CNPY1: variants seen among roughly 807,000 people sequenced by gnomAD.
The protein encoded by CNPY1 is canopy FGF signaling regulator 1.
In CNPY1, 14 loss-of-function variants were observed where a neutral mutation model predicts 14.4. The observed-to-expected ratio is 0.97, with a 90% CI of 0.64 to 1.52. The LOEUF (loss-of-function observed/expected upper bound fraction) is 1.52, where lower values mean the gene tolerates loss of function less well. Among genes scored for constraint, CNPY1 ranks in the 40% most tolerant of loss-of-function variants. The probability of loss-of-function intolerance (pLI) is 0.00; values close to 1 mark genes in which losing one functional copy is unlikely to be tolerated. For synonymous variants in CNPY1, 43 were observed against 46.5 expected, an observed-to-expected ratio of 0.92 and a Z score of 0.31; for missense variants, 129 against 131.5, an observed-to-expected ratio of 0.98 and a Z score of 0.09.
chr7:155,526,605 A>T (rs1796823991), intron 2 of CNPY1, among the ~76,000 whole-genome samples: 8 of 152,326 alleles, frequency 5.3e-5, no homozygotes, highest in Admixed American at 4.6e-4. Context: ...AAATCCAAAT[A>T]GCACGCTGGT....
chr7:155,529,022 C>T (rs1281403924), intron 2 of CNPY1, among the ~76,000 whole-genome samples: 1 of 151,260 alleles, frequency 6.6e-6, no homozygotes, highest in Admixed American at 6.6e-5. Context: ...GATCGCGCCA[C>T]TGCACTCCAG....
intron 2 of CNPY1, among the ~76,000 whole-genome samples, chr7:155,509,334 G>C (rs1796444852): frequency 6.6e-6 from 1 of 152,102 alleles, no homozygotes; most frequent in South Asian, 2.1e-4. Flanking sequence ...ATATTTCAAA[G>C]TGGCCAGAAA....
Position 155,515,581 on chromosome 7 carries a change from G to T in CNPY1, c.100-6484C>A, listed in dbSNP as rs1796607047. ...GTCCAGTCACAAATCGAGAGGTGTGGAGGGTGGAGGGAGAGACCAGGCTGC... is the reference window on the plus strand; with the variant it reads ...GTCCAGTCACAAATCGAGAGGTGTGTAGGGTGGAGGGAGAGACCAGGCTGC... On this transcript the variant is annotated intron_variant, in intron 2 of 4. Transcript: ENST00000636446. Among the ~76,000 whole-genome samples, 2 of 152,180 alleles carry T rather than the reference G, an allele frequency of 1.3e-5. 1 individual carries two copies. The highest frequency in any genetic ancestry group is 4.1e-4 in the South Asian group (2 of 4,828).
intron 2 of CNPY1, among the ~76,000 whole-genome samples, chr7:155,514,877 A>C (rs544321470): frequency 6.6e-6 from 1 of 152,284 alleles, no homozygotes; most frequent in African/African-American, 2.4e-5. Flanking sequence ...CTGGGCAACA[A>C]GAGCAAAACT....
intron 2 of CNPY1, among the ~76,000 whole-genome samples, chr7:155,531,392 T>C (rs1796934304): frequency 6.6e-6 from 1 of 152,176 alleles, no homozygotes; most frequent in African/African-American, 2.4e-5. Flanking sequence ...AAATAACATG[T>C]AGGTAATTAG....
At chr7:155,532,919 A>G (rs1313499261) in intron 2 of CNPY1, among the ~76,000 whole-genome samples, 1 of 152,120 alleles carries the variant, frequency 6.6e-6, no homozygotes, top group Admixed American at 6.5e-5. Flanking sequence ...AGTTCATCTC[A>G]TCAGTCAGGA....
intron 4 of CNPY1, chr7:155,506,796 G>A (rs960501197): frequency 1.2e-5 from 6 of 505,988 alleles, no homozygotes; most frequent in African/African-American, 6.0e-5. Context: ...TTAATATATA[G>A]AGGAAAGAAA....
rs1164583156 is a variant in CNPY1 at position 155,502,408 on chromosome 7, G to A, written c.*660C>T. On this transcript the variant is annotated 3_prime_UTR_variant, in exon 5 of 5. Transcript: ENST00000636446. ...ATGCAATAATAAATCAACTTTCTAAGCCACTTAAACTCAGAATGGTGTTTG... is the reference window on the plus strand; with the variant it reads ...ATGCAATAATAAATCAACTTTCTAAACCACTTAAACTCAGAATGGTGTTTG... 1 of 152,150 alleles carries A rather than the reference G, an allele frequency of 6.6e-6. No individual in the cohort carries two copies. The highest frequency in any genetic ancestry group is 1.5e-5 in the Non-Finnish European group (1 of 68,030). The allele number at this position is 152,150 out of a possible 1,614,324, so 9.4% of individuals were successfully genotyped here.
At chr7:155,503,210 A>T (rs1796178217) in intron 4 of CNPY1, 105 bp from the exon 5 acceptor site, 5 of 938,774 alleles carry the variant, frequency 5.3e-6, no homozygotes, top group Non-Finnish European at 7.9e-6. Flanking sequence ...AGCATATTTT[A>T]AAAACTTTTA....
chr7:155,511,653 G>C (rs1411744964), intron 2 of CNPY1, among the ~76,000 whole-genome samples: 2 of 152,188 alleles, frequency 1.3e-5, no homozygotes, highest in African/African-American at 4.8e-5. Context: ...CTGGCTTTTT[G>C]ATGTGATTCG....
intron 2 of CNPY1, among the ~76,000 whole-genome samples, chr7:155,539,842 A>G (rs941308369): frequency 6.6e-6 from 1 of 152,206 alleles, no homozygotes; most frequent in African/African-American, 2.4e-5. Flanking sequence ...AGAGTCAGTG[A>G]TTCTTAGGAG....
Position 155,503,166 on chromosome 7 carries a change from C to T in CNPY1, c.401-61G>A, listed in dbSNP as rs150737311. On this transcript the variant is annotated intron_variant, in intron 4 of 4. Transcript: ENST00000636446. ...CACTTTAGACTCCAGCCCGTTAAGT[C>T]ATTTACATTATGCAAAAACTATGTT... is the stretch of plus-strand genomic sequence containing the variant. The T allele has an allele frequency of 4.8e-4, 628 of 1,295,844 alleles. 2 individuals are homozygous for T. The African/African-American group carries it at 8.3e-3, about 17-fold the overall frequency. 80.3% of individuals were successfully genotyped at this position (1,295,844 alleles called of 1,614,324 possible). A position where few individuals can be genotyped will look rare whatever the true frequency, so the allele number is the denominator to read the frequency against.
At chr7:155,509,852 G>T (rs1038448065) in intron 2 of CNPY1, among the ~76,000 whole-genome samples, 7 of 152,188 alleles carry the variant, frequency 4.6e-5, no homozygotes, top group Non-Finnish European at 8.8e-5. Flanking sequence ...CACCACCTCC[G>T]CCCCGGGCGC....
intron 2 of CNPY1, among the ~76,000 whole-genome samples, chr7:155,534,339 AGGCACACATGCACACACGTGCACAC>A (rs1796996176): frequency 6.3e-5 from 5 of 78,996 alleles, no homozygotes; most frequent in Non-Finnish European, 1.3e-4. Context: ...ACGTGCACAG[AGGCACACATGCACACACGTGCACAC>A]AGGCACACAC....
chr7:155,527,059 T>TTC (rs1585323187), intron 2 of CNPY1, among the ~76,000 whole-genome samples: 1 of 141,808 alleles, frequency 7.1e-6, no homozygotes, highest in Admixed American at 7.2e-5. Context: ...TCTTTCTTTT[T>TTC]TTTTTTTTTT....
intron 2 of CNPY1, 28 bp from the exon 3 acceptor site, chr7:155,509,125 T>C (rs1248193132): frequency 2.2e-6 from 3 of 1,390,270 alleles, no homozygotes; most frequent in Middle Eastern, 1.8e-4. Flanking sequence ...GCGAGGAAAC[T>C]TGTCTTAATG....
rs867949244 is a variant in CNPY1 at position 155,502,162 on chromosome 7, T to C, written c.*906A>G. The C allele has an allele frequency of 6.6e-6, 1 of 151,878 alleles. No individual in the cohort carries two copies. The highest frequency in any genetic ancestry group is 1.5e-5 in the Non-Finnish European group (1 of 67,986). 9.4% of individuals were successfully genotyped at this position (151,878 alleles called of 1,614,324 possible). ...ACAGAGATAAAGAAATTTCCGGGAG[T>C]GATTGTTACTAGACTTTGTATATTA... On this transcript the variant is annotated 3_prime_UTR_variant, in exon 5 of 5. Coordinates refer to ENST00000636446, the MANE Select transcript of CNPY1 (RefSeq NM_001393663.1).
intron 2 of CNPY1, among the ~76,000 whole-genome samples, chr7:155,525,945 T>A (rs942087477): frequency 2.6e-5 from 4 of 152,220 alleles, no homozygotes; most frequent in African/African-American, 9.6e-5. Flanking sequence ...ACATAGCTAT[T>A]ATCAACTACT....
At chr7:155,509,545 A>C (rs542697216) in intron 2 of CNPY1, among the ~76,000 whole-genome samples, 2 of 150,654 alleles carry the variant, frequency 1.3e-5, no homozygotes, top group South Asian at 2.1e-4. Context: ...AGGGAGAGAG[A>C]GCGAGAGAGA....
Sources: allele counts gnomAD v4.1 joint callset (sites outside exome capture counted in the v4.1 genomes callset), GRCh38; gene constraint gnomAD v4.1.1; transcripts MANE v1.5; gene names NCBI Gene and HGNC (gene_info 2026-07-23, HGNC 2026-07-21).